The following GRID2 variants were observed in gnomAD, a reference collection of about 807,000 sequenced individuals.
The protein encoded by GRID2 is glutamate receptor ionotropic, delta-2.
A neutral mutation model predicts 114.8 loss-of-function variants in GRID2; 33 were observed. The observed-to-expected ratio is 0.29, with a 90% CI of 0.22 to 0.38. The LOEUF is 0.38. GRID2 is among the 10% of genes least tolerant of loss of function. The pLI is 1.00. For synonymous variants in GRID2, 505 were observed against 449.9 expected, an observed-to-expected ratio of 1.12 and a Z score of -1.55; for missense variants, 1,184 against 1,257.7, an observed-to-expected ratio of 0.94 and a Z score of 0.89.
intron 14 of GRID2, among the ~76,000 whole-genome samples, chr4:93,716,239 T>A (rs1324648097): frequency 6.6e-6 from 1 of 152,068 alleles, no homozygotes; most frequent in Non-Finnish European, 1.5e-5. Context: ...CATACACACA[T>A]GAATTAAGGA....
intron 2 of GRID2, among the ~76,000 whole-genome samples, chr4:92,731,984 G>C (rs537187972): frequency 6.6e-6 from 1 of 151,946 alleles, no homozygotes; most frequent in South Asian, 2.1e-4. Flanking sequence ...GAAATTCTTA[G>C]GGTATGTAGT....
chr4:93,606,489 T>C (rs1403863740), intron 13 of GRID2, among the ~76,000 whole-genome samples: 1 of 152,206 alleles, frequency 6.6e-6, no homozygotes, highest in Admixed American at 6.5e-5. Flanking sequence ...TCTCACTTAT[T>C]TTAGGATTTA....
chr4:93,809,089 A>T (rs1422560181), exon 2 of GRID2: 1 of 152,186 alleles, frequency 6.6e-6, no homozygotes, highest in Non-Finnish European at 1.5e-5. Flanking sequence ...ACCTATGATA[A>T]GATGTGTTTC....
At chr4:93,064,831 A>C (rs1728141067) in intron 2 of GRID2, among the ~76,000 whole-genome samples, 1 of 151,852 alleles carries the variant, frequency 6.6e-6, no homozygotes, top group Non-Finnish European at 1.5e-5. Flanking sequence ...TTAATGCTTT[A>C]GTTAAGTTTG....
intron 1 of GRID2, among the ~76,000 whole-genome samples, chr4:92,306,195 A>G (rs1328845953): frequency 6.6e-6 from 1 of 152,158 alleles, no homozygotes; most frequent in Non-Finnish European, 1.5e-5. Context: ...CTTTGTAAAC[A>G]TGTCTGCCAT....
At chr4:93,434,993 TAGAG>T in intron 10 of GRID2, among the ~76,000 whole-genome samples, 1 of 152,244 alleles carries the variant, frequency 6.6e-6, no homozygotes, top group East Asian at 1.9e-4. Context: ...TAAAGCTTAT[TAGAG>T]AGGACTGCCA....
intron 2 of GRID2, among the ~76,000 whole-genome samples, chr4:93,027,101 A>C (rs914674891): frequency 6.6e-6 from 1 of 152,052 alleles, no homozygotes; most frequent in Non-Finnish European, 1.5e-5. Context: ...TTTACATATA[A>C]AATCATTTTC....
chr4:93,524,918 G>C (rs1018666922), intron 13 of GRID2, among the ~76,000 whole-genome samples: 1 of 149,032 alleles, frequency 6.7e-6, no homozygotes. Flanking sequence ...TGTACATAAA[G>C]ATGATACTAC....
chr4:93,294,812 A>G (rs1204203765), intron 8 of GRID2, among the ~76,000 whole-genome samples: 2 of 152,122 alleles, frequency 1.3e-5, no homozygotes, highest in African/African-American at 2.4e-5. Context: ...GGCCCGCCTC[A>G]GCCTCTCTAA....
chr4:93,613,313 G>A (rs1411576860), intron 13 of GRID2, among the ~76,000 whole-genome samples: 50 of 137,192 alleles, frequency 3.6e-4, no homozygotes, highest in African/African-American at 1.2e-3. Context: ...CTCTCAGCTC[G>A]TCAAAATCAT....
chr4:93,154,660 G>A (rs1737013788), intron 4 of GRID2, among the ~76,000 whole-genome samples: 1 of 151,616 alleles, frequency 6.6e-6, no homozygotes, highest in South Asian at 2.1e-4. Context: ...AGAAACAAGG[G>A]GGTGTGGTTA....
At chr4:92,763,709 C>G (rs113707686) in intron 2 of GRID2, among the ~76,000 whole-genome samples, 2 of 151,884 alleles carry the variant, frequency 1.3e-5, no homozygotes, top group Non-Finnish European at 2.9e-5. Flanking sequence ...AGTGGGGATA[C>G]GAATTAAGTG....
At chr4:93,396,404 T>A (rs1334821732) in intron 9 of GRID2, among the ~76,000 whole-genome samples, 2 of 152,010 alleles carry the variant, frequency 1.3e-5, no homozygotes, top group East Asian at 3.9e-4. Flanking sequence ...TTTTGTTTTC[T>A]TCCAACACAA....
intron 2 of GRID2, among the ~76,000 whole-genome samples, chr4:92,720,905 A>G (rs1735778872): frequency 6.6e-6 from 1 of 152,144 alleles, no homozygotes; most frequent in Non-Finnish European, 1.5e-5. Context: ...AATAGCCCAA[A>G]TGTTAATTGA....
chr4:92,540,357 G>T (rs1207939223), intron 1 of GRID2, among the ~76,000 whole-genome samples: 1 of 152,076 alleles, frequency 6.6e-6, no homozygotes, highest in African/African-American at 2.4e-5. Context: ...GAGTGAACAG[G>T]CAACCTACAG....
At chr4:92,847,727 G>T (rs1373672780) in intron 2 of GRID2, among the ~76,000 whole-genome samples, 1 of 151,734 alleles carries the variant, frequency 6.6e-6, no homozygotes, top group Non-Finnish European at 1.5e-5. Flanking sequence ...TATTTCCCAA[G>T]GAATGTTTAT....
intron 6 of GRID2, 117 bp from the exon 7 acceptor site, chr4:93,224,497 C>T (rs943515006): frequency 3.3e-6 from 2 of 604,998 alleles, no homozygotes; most frequent in East Asian, 2.9e-5. Context: ...TGCTTAATAA[C>T]CCAGTAAACC....
chr4:92,990,636 G>A (rs1236707027), intron 2 of GRID2, among the ~76,000 whole-genome samples: 1 of 151,878 alleles, frequency 6.6e-6, no homozygotes, highest in Non-Finnish European at 1.5e-5. Context: ...CATTTTTAAT[G>A]TGTTAGTAAA....
intron 2 of GRID2, among the ~76,000 whole-genome samples, chr4:92,716,443 T>C (rs746999629): frequency 1.3e-5 from 2 of 152,218 alleles, no homozygotes; most frequent in African/African-American, 2.4e-5. Context: ...TGAGATGTTG[T>C]AATTATGAAT....
Sources: gnomAD v4.1 joint callset for allele counts (sites outside exome capture counted in the v4.1 genomes callset) on GRCh38, gnomAD v4.1.1 for gene constraint, MANE v1.5 for transcripts, NCBI Gene and HGNC (gene_info 2026-07-23, HGNC 2026-07-21) for gene names.